The following GABRB2 variants were observed in gnomAD, a reference collection of about 807,000 sequenced individuals.
GABRB2 encodes gamma-aminobutyric acid receptor subunit beta-2.
GABRB2 carries 16 observed loss-of-function variants against 54.7 expected under a neutral mutation model. The observed-to-expected ratio is 0.29, with a 90% confidence interval of 0.20 to 0.44. The LOEUF is 0.44. Ranked by LOEUF, GABRB2 falls within the 20% of genes least tolerant of loss-of-function variation. The pLI, the probability that GABRB2 is intolerant of heterozygous loss-of-function variation, is 1.00. For synonymous variants in GABRB2, 244 were observed against 233.8 expected, an observed-to-expected ratio of 1.04 and a Z score of -0.40; for missense variants, 355 against 644.0, an observed-to-expected ratio of 0.55 and a Z score of 4.86.
At chr5:161,438,491 A>G (rs944194800) in intron 4 of GABRB2, among the ~76,000 whole-genome samples, 5 of 152,280 alleles carry the variant, frequency 3.3e-5, no homozygotes, top group Admixed American at 6.5e-5. Flanking sequence ...TCCACATGCC[A>G]AAGAACATCT....
intron 3 of GABRB2, among the ~76,000 whole-genome samples, chr5:161,463,142 G>A (rs763861944): frequency 1.4e-4 from 21 of 151,810 alleles, no homozygotes; most frequent in Non-Finnish European, 2.1e-4. Context: ...TTTCTTCCAC[G>A]AATTACAACT....
In GABRB2 at chr5:161,307,513, G is replaced by T. The variant is rs555916053; in HGVS notation, c.1192-13085C>A. On this transcript the variant is annotated intron_variant, in intron 9 of 9. Coordinates refer to ENST00000393959, the MANE Select transcript of GABRB2 (RefSeq NM_001371727.1). ...GGACATGAGGTTTGGAATCAGCTTT[G>T]AATGCTAGCTCCTCTGCTGATTAGC... 1.4e-4 allele frequency among the ~76,000 whole-genome samples: 21 copies of T among 152,328 alleles called. No homozygotes were observed. The South Asian group carries it at 4.3e-3, about 32-fold the overall frequency.
chr5:161,369,102 T>C (rs2113464692), intron 5 of GABRB2, among the ~76,000 whole-genome samples: 1 of 152,334 alleles, frequency 6.6e-6, no homozygotes, highest in East Asian at 1.9e-4. Context: ...CTTCTAACCC[T>C]GGAGCTTCTT....
chr5:161,536,738 C>T (rs552299435), intron 3 of GABRB2, among the ~76,000 whole-genome samples: 1 of 152,272 alleles, frequency 6.6e-6, no homozygotes, highest in Admixed American at 6.5e-5. Flanking sequence ...GCTGGGATTA[C>T]AGGCATGCAC....
chr5:161,312,288 C>G lies in GABRB2; in HGVS notation c.1191+14080G>C, dbSNP rs1757893848. Reference sequence around the variant, plus strand: ...AGAATTCTTGTTAATTTGACACAGCCTTGTCAAATATCTCTCTCTTTCATT... The same window carrying G: ...AGAATTCTTGTTAATTTGACACAGCGTTGTCAAATATCTCTCTCTTTCATT... On this transcript the variant is annotated intron_variant, in intron 9 of 9. Transcript: ENST00000393959. Among the ~76,000 whole-genome samples, 4 of 152,134 alleles carry G rather than the reference C, an allele frequency of 2.6e-5. 1 individual carries two copies. In the South Asian group the frequency reaches 8.3e-4, roughly 32 times the overall value.
chr5:161,501,121 A>G (rs1581037905), intron 3 of GABRB2, among the ~76,000 whole-genome samples: 1 of 152,272 alleles, frequency 6.6e-6, no homozygotes, highest in South Asian at 2.1e-4. Flanking sequence ...ACATCTGAAA[A>G]GGTCCTGAAT....
At chr5:161,495,002 T>C (rs1322123720) in intron 3 of GABRB2, among the ~76,000 whole-genome samples, 1 of 152,012 alleles carries the variant, frequency 6.6e-6, no homozygotes, top group African/African-American at 2.4e-5. Flanking sequence ...CATTTGAAAT[T>C]CTAATTGAAT....
intron 5 of GABRB2, among the ~76,000 whole-genome samples, chr5:161,404,306 A>G (rs1756285858): frequency 2.0e-5 from 3 of 152,116 alleles, no homozygotes; most frequent in African/African-American, 7.2e-5. Flanking sequence ...ATGCAAATTA[A>G]ATTTGTATGC....
intron 5 of GABRB2, among the ~76,000 whole-genome samples, chr5:161,341,608 C>T (rs928650921): frequency 3.3e-5 from 5 of 151,340 alleles, no homozygotes; most frequent in East Asian, 1.9e-4. Flanking sequence ...CTATAAGATA[C>T]GAATGGTAGA....
intron 3 of GABRB2, among the ~76,000 whole-genome samples, chr5:161,504,859 G>A (rs1759556302): frequency 6.7e-6 from 1 of 149,160 alleles, no homozygotes; most frequent in South Asian, 2.1e-4. Context: ...AGTTGAAGGG[G>A]AACAAGTTCA....
intron 5 of GABRB2, among the ~76,000 whole-genome samples, chr5:161,385,947 GGTGTGT>G (rs70990781): frequency 0.074 from 6,863 of 93,112 alleles, 336 homozygotes; most frequent in African/African-American, 0.17. Flanking sequence ...CCTATTGTCT[GGTGTGT>G]GTGTGTGTGT....
chr5:161,483,430 A>G (rs1322458745), intron 3 of GABRB2, among the ~76,000 whole-genome samples: 1 of 152,030 alleles, frequency 6.6e-6, no homozygotes, highest in Non-Finnish European at 1.5e-5. Flanking sequence ...AAAAATTAAG[A>G]TGAAACCAGG....
chr5:161,333,006 G>A (rs1753897233), intron 7 of GABRB2, among the ~76,000 whole-genome samples: 1 of 152,056 alleles, frequency 6.6e-6, no homozygotes, highest in South Asian at 2.1e-4. Context: ...AACTACGGAT[G>A]ATCCTGTATC....
chr5:161,461,105 T>A (rs985183699), intron 3 of GABRB2, among the ~76,000 whole-genome samples: 13 of 152,180 alleles, frequency 8.5e-5, no homozygotes, highest in African/African-American at 2.9e-4. Flanking sequence ...AGGGTATGCA[T>A]ATTTAAAATA....
chr5:161,541,226 T>A (rs1336259660), intron 3 of GABRB2, among the ~76,000 whole-genome samples: 1 of 151,722 alleles, frequency 6.6e-6, no homozygotes, highest in South Asian at 2.1e-4. Flanking sequence ...GTTCAATAAA[T>A]CATGCTGTAA....
At chr5:161,421,040 C>T (rs1005285171) in intron 4 of GABRB2, among the ~76,000 whole-genome samples, 2 of 152,194 alleles carry the variant, frequency 1.3e-5, no homozygotes, top group African/African-American at 2.4e-5. Flanking sequence ...AGCCCTCCTT[C>T]CCTCACCATT....
chr5:161,394,244 C>T (rs1390533397), intron 5 of GABRB2, among the ~76,000 whole-genome samples: 4 of 151,602 alleles, frequency 2.6e-5, no homozygotes, highest in African/African-American at 7.3e-5. Flanking sequence ...TGCTTTAAGC[C>T]TTTATAGTAG....
chr5:161,474,613 G>A (rs763418269), intron 3 of GABRB2, among the ~76,000 whole-genome samples: 8 of 151,810 alleles, frequency 5.3e-5, no homozygotes, highest in South Asian at 4.2e-4. Flanking sequence ...CAGAAGAATA[G>A]GTATCAATGT....
chr5:161,373,198 C>A (rs560934327), intron 5 of GABRB2, among the ~76,000 whole-genome samples: 118 of 152,212 alleles, frequency 7.8e-4, no homozygotes, highest in African/African-American at 2.8e-3. Context: ...AAGACCCAAG[C>A]AAAAGTCCCT....
Sources: allele counts gnomAD v4.1 joint callset (sites outside exome capture counted in the v4.1 genomes callset), GRCh38; gene constraint gnomAD v4.1.1; transcripts MANE v1.5; gene names NCBI Gene and HGNC (gene_info 2026-07-23, HGNC 2026-07-21).